Variants in TPST1 observed in about 807,000 individuals in gnomAD.
TPST1 encodes the protein protein-tyrosine sulfotransferase 1.
TPST1 carries 20 observed loss-of-function variants against 34.8 expected under a neutral mutation model. The observed-to-expected ratio is 0.57, with a 90% CI of 0.40 to 0.84. The LOEUF is 0.84. TPST1 is among the 40% of genes least tolerant of loss of function. The pLI, the probability that TPST1 is intolerant of heterozygous loss-of-function variation, is 0.00. For missense variants in TPST1, 353 were observed against 455.5 expected, an observed-to-expected ratio of 0.78 and a Z score of 2.05; for synonymous variants, 152 against 159.4, an observed-to-expected ratio of 0.95 and a Z score of 0.35.
upstream of TPST1, chr7:66,205,054 G>A (rs1196647374): frequency 6.6e-6 from 1 of 152,284 alleles, no homozygotes; most frequent in South Asian, 2.1e-4. This position sits in a 1 kb window ranked among gnomAD's most constrained non-coding sequence, Gnocchi z 5.0. Context: ...GCTGTTGCTA[G>A]GGCAACCACC....
chr7:66,341,098 C>A (rs901168936), intron 3 of TPST1, among the ~76,000 whole-genome samples: 5 of 152,112 alleles, frequency 3.3e-5, no homozygotes, highest in African/African-American at 4.8e-5. Context: ...ATAGAAAAAA[C>A]CTAAAATTTG....
rs574548596 is a variant in TPST1, at chr7:66,344,039, A to G, written c.1045-8466A>G. Among the ~76,000 whole-genome samples, 8 of 152,330 alleles carry G rather than the reference A, an allele frequency of 5.3e-5. No individual in the cohort carries two copies. The South Asian group carries it at 1.4e-3, about 28-fold the overall frequency. On this transcript the variant is annotated intron_variant, in intron 3 of 5. Coordinates refer to ENST00000304842, the MANE Select transcript of TPST1 (RefSeq NM_003596.4). ...ACAATAGATAACCTGGGAAAGATTC[A>G]ATGAGCTTGAAGATATGTCAGTAGA...
intron 3 of TPST1, among the ~76,000 whole-genome samples, chr7:66,303,286 C>T (rs139152507): frequency 1.3e-5 from 2 of 151,112 alleles, no homozygotes; most frequent in Non-Finnish European, 2.9e-5. Flanking sequence ...GACTATGCAT[C>T]CCTTCAACAG....
rs147735789 is a variant in TPST1, at chr7:66,270,510, G to A, written c.846-16001G>A. Among the ~76,000 whole-genome samples, 332 of 152,228 alleles carry A rather than the reference G, an allele frequency of 2.2e-3. 2 individuals are homozygous for A. Among genetic ancestry groups the A allele is most frequent in the African/African-American group, 7.6e-3 (315 of 41,554 alleles). On this transcript the variant is annotated intron_variant, in intron 2 of 5. Transcript: ENST00000304842. ...TTCTTTATACTTTTATTACCCAAAT[G>A]TGCATTTAGACATTGTAGCTTATTC...
chr7:66,213,537 C>T (rs941314748), intron 1 of TPST1, among the ~76,000 whole-genome samples: 1 of 152,050 alleles, frequency 6.6e-6, no homozygotes. Context: ...GGGCAGATCA[C>T]GAGGTCGGGA....
chr7:66,220,271 G>C (rs1168482083), intron 1 of TPST1, among the ~76,000 whole-genome samples: 1 of 152,102 alleles, frequency 6.6e-6, no homozygotes, highest in African/African-American at 2.4e-5. Context: ...AACTGAAAAA[G>C]ATAAGATATA....
intron 3 of TPST1, among the ~76,000 whole-genome samples, chr7:66,327,458 C>CAA (rs1052901646): frequency 4.6e-5 from 7 of 152,108 alleles, no homozygotes; most frequent in African/African-American, 1.7e-4. Context: ...TGCAGTGGTT[C>CAA]ACGCCTGTAA....
At chr7:66,317,055 T>C (rs1055858549) in intron 3 of TPST1, among the ~76,000 whole-genome samples, 7 of 152,204 alleles carry the variant, frequency 4.6e-5, no homozygotes, top group Non-Finnish European at 1.0e-4. Flanking sequence ...ACTGTACATG[T>C]TCCCCTGAAC....
At chr7:66,331,208 G>T (rs559912004) in intron 3 of TPST1, among the ~76,000 whole-genome samples, 1 of 152,192 alleles carries the variant, frequency 6.6e-6, no homozygotes, top group Non-Finnish European at 1.5e-5. Flanking sequence ...AAGCAAGAGA[G>T]CAAGATAGAG....
chr7:66,251,436 T>C (rs73699756), intron 2 of TPST1, among the ~76,000 whole-genome samples: 5,916 of 152,188 alleles, frequency 0.039, 382 homozygotes, highest in African/African-American at 0.13. Flanking sequence ...CCTCTCCCCA[T>C]CCCAAAATAA....
At chr7:66,327,892 T>C (rs189092219) in intron 3 of TPST1, among the ~76,000 whole-genome samples, 1 of 152,048 alleles carries the variant, frequency 6.6e-6, no homozygotes, top group East Asian at 1.9e-4. Context: ...AAACTGATTT[T>C]AGTTAAATCA....
upstream of TPST1, among the ~76,000 whole-genome samples, chr7:66,200,341 T>C (rs1366025576): frequency 6.6e-6 from 1 of 152,062 alleles, no homozygotes; most frequent in African/African-American, 2.4e-5. Flanking sequence ...TTGCGTAGGC[T>C]GTTTGGAAGA....
chr7:66,336,538 A>G (rs1339586630), intron 3 of TPST1, among the ~76,000 whole-genome samples: 1 of 152,192 alleles, frequency 6.6e-6, no homozygotes, highest in African/African-American at 2.4e-5. Flanking sequence ...TTCAGGACAG[A>G]ACATATGAAA....
intron 2 of TPST1, among the ~76,000 whole-genome samples, chr7:66,267,030 A>T (rs1373706196): frequency 6.6e-6 from 1 of 152,188 alleles, no homozygotes; most frequent in Non-Finnish European, 1.5e-5. Flanking sequence ...ATTATGAAAG[A>T]TAATTTTTAG....
At chr7:66,228,752 A>C (rs910144831) in intron 1 of TPST1, among the ~76,000 whole-genome samples, 2 of 152,208 alleles carry the variant, frequency 1.3e-5, no homozygotes, top group African/African-American at 4.8e-5. Context: ...TATTTGCTTC[A>C]TATATTTCTA....
At chr7:66,247,296 C>G (rs1193212819) in intron 2 of TPST1, among the ~76,000 whole-genome samples, 1 of 152,120 alleles carries the variant, frequency 6.6e-6, no homozygotes, top group Admixed American at 6.5e-5. Flanking sequence ...GGGGTGGTGG[C>G]CCATGCCTGT....
chr7:66,221,486 A>G (rs1789541491), intron 1 of TPST1: 1 of 152,218 alleles, frequency 6.6e-6, no homozygotes, highest in South Asian at 2.1e-4. Context: ...GGTAGGTTCC[A>G]TTTAGTGTTC....
In TPST1 at chr7:66,241,169, G is replaced by A; in HGVS notation, c.744G>A (p.Arg248=). ...AACAACTTGTCTTACATCCTGAACGGTGGATGAGAACACTCTTAAAGTTCC... is the reference window on the plus strand; with the variant it reads ...AACAACTTGTCTTACATCCTGAACGATGGATGAGAACACTCTTAAAGTTCC... ...HYEQLVLHPE[R]WMRTLLKFLQ... The change falls in exon 2 of 6, where the codon CGG becomes CGA. Residue 248 remains arginine (R), a synonymous_variant. Transcript: ENST00000304842. 1 of 1,614,192 alleles carries A rather than the reference G, an allele frequency of 6.2e-7. No individual in the cohort carries two copies.
chr7:66,301,611 G>A (rs930173137), intron 3 of TPST1, among the ~76,000 whole-genome samples: 9 of 152,188 alleles, frequency 5.9e-5, no homozygotes, highest in South Asian at 2.1e-4. Context: ...ATTATTAATC[G>A]GCCTTTTTTC....
Sources: allele counts gnomAD v4.1 joint callset (sites outside exome capture counted in the v4.1 genomes callset), GRCh38; gene constraint gnomAD v4.1.1; non-coding constraint Gnocchi (gnomAD v3.1); transcripts MANE v1.5; gene names NCBI Gene and HGNC (gene_info 2026-07-23, HGNC 2026-07-21).